KCNAB1: variants seen among roughly 807,000 people sequenced by gnomAD.
KCNAB1 encodes voltage-gated potassium channel subunit beta-1.
KCNAB1 carries 35 observed loss-of-function variants against 64.6 expected under a neutral mutation model. The ratio of observed to expected loss-of-function variants is 0.54; its 90% CI spans 0.41 to 0.72. The LOEUF (loss-of-function observed/expected upper bound fraction) is 0.72. Ranked by LOEUF, KCNAB1 falls within the 30% of genes least tolerant of loss-of-function variation. The pLI is 0.00. For synonymous variants in KCNAB1, 177 were observed against 183.8 expected (o/e 0.96, Z 0.30); for missense variants, 401 against 512.9 (o/e 0.78, Z 2.11).
At chr3:156,242,936 G>A (rs1717245503) in intron 1 of KCNAB1, among the ~76,000 whole-genome samples, 1 of 151,760 alleles carries the variant, frequency 6.6e-6, no homozygotes, top group African/African-American at 2.4e-5. Flanking sequence ...TTGAGATGGA[G>A]TCTTGCTCTG....
At chr3:156,210,660 A>G (rs1422584206) in intron 1 of KCNAB1, among the ~76,000 whole-genome samples, 2 of 152,166 alleles carry the variant, frequency 1.3e-5, no homozygotes, top group Non-Finnish European at 2.9e-5. Flanking sequence ...GATGGTCCTA[A>G]AATTCAGGAG....
At chr3:156,207,451 C>T (rs1207595111) in intron 1 of KCNAB1, among the ~76,000 whole-genome samples, 1 of 152,192 alleles carries the variant, frequency 6.6e-6, no homozygotes, top group African/African-American at 2.4e-5. Flanking sequence ...CCCTAGGTTA[C>T]TGCAGCAACC....
chr3:156,256,290 A>G (rs78326386), intron 1 of KCNAB1, among the ~76,000 whole-genome samples: 2,632 of 152,298 alleles, frequency 0.017, 51 homozygotes, highest in South Asian at 0.022. Flanking sequence ...TTCTTTTCAA[A>G]CACAATGTTG....
intron 1 of KCNAB1, among the ~76,000 whole-genome samples, chr3:156,263,674 T>C (rs540495978): frequency 4.9e-4 from 74 of 152,234 alleles, no homozygotes; most frequent in African/African-American, 1.7e-3. Context: ...CTGGTGCTCA[T>C]ATCACTTATA....
intron 1 of KCNAB1, among the ~76,000 whole-genome samples, chr3:156,171,946 G>C (rs1241229963): frequency 6.6e-6 from 1 of 152,096 alleles, no homozygotes; most frequent in Non-Finnish European, 1.5e-5. Flanking sequence ...TATATTTGAG[G>C]CTGTGTATAT....
At chr3:156,492,093 C>CT (rs1715674181) in intron 8 of KCNAB1, among the ~76,000 whole-genome samples, 1 of 152,104 alleles carries the variant, frequency 6.6e-6, no homozygotes, top group South Asian at 2.1e-4. Flanking sequence ...ACTCCTAGCC[C>CT]TAGTGCTCCT....
At chr3:156,246,447 A>G (rs535426307) in intron 1 of KCNAB1, among the ~76,000 whole-genome samples, 6 of 152,210 alleles carry the variant, frequency 3.9e-5, no homozygotes, top group African/African-American at 9.6e-5. Context: ...TACTAGAAAT[A>G]CAAAAATTAG....
intron 1 of KCNAB1, among the ~76,000 whole-genome samples, chr3:156,170,575 T>C (rs1017146428): frequency 6.6e-6 from 1 of 152,172 alleles, no homozygotes; most frequent in African/African-American, 2.4e-5. Flanking sequence ...CTGGTGACAA[T>C]TGGATCCAAA....
chr3:156,169,760 CATG>C (rs1711839345), intron 1 of KCNAB1, among the ~76,000 whole-genome samples: 1 of 152,194 alleles, frequency 6.6e-6, no homozygotes, highest in Non-Finnish European at 1.5e-5. Flanking sequence ...CCTGCTCTGC[CATG>C]ATAAGATGTG....
intron 13 of KCNAB1, among the ~76,000 whole-genome samples, chr3:156,531,731 G>A (rs1003697743): frequency 2.0e-5 from 3 of 152,202 alleles, no homozygotes; most frequent in African/African-American, 7.2e-5. Context: ...AGAGTGCATT[G>A]CAGTGTTATA....
intron 8 of KCNAB1, among the ~76,000 whole-genome samples, chr3:156,482,489 G>T (rs1240889641): frequency 4.0e-5 from 6 of 150,740 alleles, no homozygotes. Flanking sequence ...CATGGGAGGG[G>T]GCTAGGAAGT....
At chr3:156,251,411 C>A (rs1226761016) in intron 1 of KCNAB1, among the ~76,000 whole-genome samples, 2 of 152,144 alleles carry the variant, frequency 1.3e-5, no homozygotes, top group Non-Finnish European at 2.9e-5. Context: ...GAAAGGACGA[C>A]AACACCAGGG....
intron 2 of KCNAB1, among the ~76,000 whole-genome samples, chr3:156,434,554 A>G (rs965386776): frequency 1.6e-4 from 24 of 152,248 alleles, no homozygotes; most frequent in African/African-American, 5.3e-4. Flanking sequence ...TATAGGTGTC[A>G]TCATAGTAAA....
chr3:156,417,196 T>A (rs1021275128), intron 1 of KCNAB1, among the ~76,000 whole-genome samples: 2 of 152,200 alleles, frequency 1.3e-5, no homozygotes, highest in African/African-American at 4.8e-5. Context: ...TCATGTACAT[T>A]ATTAAATGTG....
intron 1 of KCNAB1, among the ~76,000 whole-genome samples, chr3:156,168,159 T>C (rs961738834): frequency 6.6e-6 from 1 of 152,090 alleles, no homozygotes; most frequent in African/African-American, 2.4e-5. Context: ...GCTGAGATCA[T>C]GCCACTGCAC....
intron 1 of KCNAB1, among the ~76,000 whole-genome samples, chr3:156,323,280 G>T (rs1159299517): frequency 6.6e-6 from 1 of 152,080 alleles, no homozygotes; most frequent in Non-Finnish European, 1.5e-5. Context: ...ACTGGAGTGG[G>T]TTTTCAAAGT....
chr3:156,281,325 A>G (rs867229938), intron 1 of KCNAB1, among the ~76,000 whole-genome samples: 3,554 of 152,100 alleles, frequency 0.023, 169 homozygotes, highest in African/African-American at 0.081. Context: ...CCACTTGATC[A>G]TGGTGGATAA....
At position 156,120,795 on chromosome 3, in the gene KCNAB1, C is replaced by T. The variant is rs1217400530; in HGVS notation, c.184C>T (p.Leu62=). 46 of 1,614,236 alleles carry T rather than the reference C, an allele frequency of 2.8e-5. No individual in the cohort carries two copies. The highest frequency in any genetic ancestry group is 3.5e-5 in the Non-Finnish European group (41 of 1,180,046). ...CCAGCTCAGGGCGCGTCAACTGGCTCTGCTGCGCGAAGTGGAGATGAACTG... is the reference window on the plus strand; with the variant it reads ...CCAGCTCAGGGCGCGTCAACTGGCTTTGCTGCGCGAAGTGGAGATGAACTG... ...ESQLRARQLA[L]LREVEMNWYL... is the part of the protein sequence containing the mutation. The change falls in exon 1 of 14, where the codon CTG becomes TTG. Residue 62 remains leucine, a synonymous_variant. Coordinates refer to ENST00000490337, the MANE Select transcript of KCNAB1 (RefSeq NM_172160.3).
chr3:156,353,521 G>A (rs1724994094), intron 1 of KCNAB1, among the ~76,000 whole-genome samples: 1 of 152,180 alleles, frequency 6.6e-6, no homozygotes, highest in African/African-American at 2.4e-5. Context: ...ACAGTTTCTG[G>A]GCACCAGGAA....
Sources: allele counts gnomAD v4.1 joint callset (sites outside exome capture counted in the v4.1 genomes callset), GRCh38; gene constraint gnomAD v4.1.1; transcripts MANE v1.5; gene names NCBI Gene and HGNC (gene_info 2026-07-23, HGNC 2026-07-21).